CHD6: variants seen among roughly 807,000 people sequenced by gnomAD.
CHD6 encodes the protein chromodomain helicase DNA binding protein 6.
In CHD6, 50 loss-of-function variants were observed where a neutral mutation model predicts 276.9. That is an observed-to-expected ratio of 0.18 (90% CI 0.14 to 0.23). The LOEUF is 0.23. Ranked by LOEUF, CHD6 falls within the 10% of genes least tolerant of loss-of-function variation. CHD6 has a pLI of 1.00. For missense variants in CHD6, 2,564 were observed against 3,365.8 expected, an observed-to-expected ratio of 0.76 and a Z score of 5.89; for synonymous variants, 1,173 against 1,229.3, an observed-to-expected ratio of 0.95 and a Z score of 0.96.
chr20:41,488,351 G>A, intron 13 of CHD6, 77 bp downstream of exon 13: 1 of 1,293,228 alleles, frequency 7.7e-7, no homozygotes, highest in South Asian at 1.5e-5. Context: ...TAAGTTACAT[G>A]CAGAATGGCT....
intron 27 of CHD6, among the ~76,000 whole-genome samples, chr20:41,430,044 C>A (rs570220380): frequency 1.3e-5 from 2 of 152,320 alleles, no homozygotes; most frequent in South Asian, 4.1e-4. Context: ...GAAAGAAACA[C>A]CCAAACAGTG....
At chr20:41,489,605 C>A (rs1343805431) in intron 12 of CHD6, among the ~76,000 whole-genome samples, 173 bp downstream of exon 12, 1 of 152,204 alleles carries the variant, frequency 6.6e-6, no homozygotes, top group Non-Finnish European at 1.5e-5. Flanking sequence ...TGTGTTGTAT[C>A]ATAAATTAAA....
At chr20:41,406,331 C>T (rs2046673434) in intron 36 of CHD6, among the ~76,000 whole-genome samples, 1 of 152,226 alleles carries the variant, frequency 6.6e-6, no homozygotes, top group African/African-American at 2.4e-5. Context: ...CAGTAAAGCA[C>T]TTCTGCTCCA....
Position 41,547,394 on chromosome 20 carries a change from G to T in CHD6, c.33+3911C>A, listed in dbSNP as rs537273904. 193 of 232,330 alleles carry T rather than the reference G, an allele frequency of 8.3e-4. 3 individuals carry two copies. In the South Asian group the frequency reaches 0.011, roughly 13 times the overall value. The allele number at this position is 232,330 out of a possible 1,614,324, so 14.4% of individuals were successfully genotyped here. A position where few individuals can be genotyped will look rare whatever the true frequency, so the allele number is the denominator to read the frequency against. On this transcript the variant is annotated intron_variant, in intron 2 of 36. Transcript: ENST00000373233. ...AACTTCTTTCAGTCGTCCTGAATCG[G>T]ATTCATCTGACACAAGCTGCCTCCA...
In CHD6 at chr20:41,491,869, G is replaced by A. The variant is rs200991465; in HGVS notation, c.1315-50C>T. Reference sequence around the variant, plus strand: ...ATAGATAGAGAATGATGTTTTAGGAGCATAACATGGATACTAACGAGGACA... The same window carrying A: ...ATAGATAGAGAATGATGTTTTAGGAACATAACATGGATACTAACGAGGACA... On this transcript the variant is annotated intron_variant, in intron 10 of 36. Coordinates refer to ENST00000373233, the MANE Select transcript of CHD6 (RefSeq NM_032221.5). The A allele has an allele frequency of 5.1e-4, 821 of 1,600,316 alleles. 3 individuals are homozygous for A. In the African/African-American group the frequency reaches 9.8e-3, roughly 19 times the overall value.
chr20:41,555,278 A>T (rs1183858360), intron 1 of CHD6, among the ~76,000 whole-genome samples: 1 of 128,216 alleles, frequency 7.8e-6, no homozygotes. Context: ...CTGGCCGGGC[A>T]GAGGGGCTCC....
intron 1 of CHD6, among the ~76,000 whole-genome samples, chr20:41,592,422 G>A (rs1342844774): frequency 6.6e-6 from 1 of 152,140 alleles, no homozygotes; most frequent in Admixed American, 6.5e-5. Flanking sequence ...TCTTAAACGA[G>A]AGTCTTTTGA....
chr20:41,496,218 G>A (rs1344627926), intron 8 of CHD6, among the ~76,000 whole-genome samples: 1 of 152,214 alleles, frequency 6.6e-6, no homozygotes, highest in Non-Finnish European at 1.5e-5. Context: ...CTGGCAATAT[G>A]TTTTCTCCCT....
intron 26 of CHD6, among the ~76,000 whole-genome samples, chr20:41,438,544 C>A (rs937443978): frequency 6.6e-6 from 1 of 152,018 alleles, no homozygotes; most frequent in Non-Finnish European, 1.5e-5. Flanking sequence ...GAGCCGAGAT[C>A]ATTCCACTGC....
chr20:41,592,204 A>AAAAAC (rs1431084513), intron 1 of CHD6, among the ~76,000 whole-genome samples: 2 of 152,206 alleles, frequency 1.3e-5, no homozygotes, highest in African/African-American at 4.8e-5. Flanking sequence ...TCATGGTTTA[A>AAAAAC]AAAACAAAAC....
Position 41,457,290 on chromosome 20 carries a change from T to C in CHD6, c.2803A>G (p.Ile935Val). The C allele has an allele frequency of 6.2e-7, 1 of 1,614,044 alleles. No homozygotes were observed. The highest frequency in any genetic ancestry group is 8.5e-7 in the Non-Finnish European group (1 of 1,179,868). ...LGLDKAVLQD[I>V]NRKGGTNGVQ... ...CCATTGGTGCCGCCCTTTCGGTTGATGTCCTGAAGAACAGCCTTGTCCAGC... is the reference window on the plus strand; with the variant it reads ...CCATTGGTGCCGCCCTTTCGGTTGACGTCCTGAAGAACAGCCTTGTCCAGC... The change falls in exon 18 of 37, where the codon ATC becomes GTC. Residue 935 changes from isoleucine (I) to valine (V), a missense_variant. Transcript: ENST00000373233.
rs1406008133 is a variant in CHD6 at position 41,452,056 on chromosome 20, G to A, written c.3324-31C>T. ...AGTGGACATACAGACAGGTGTTGGA[G>A]GGAGAATGGACCAGGCCATGCAGGC... is the stretch of plus-strand genomic sequence containing the variant. On this transcript the variant is annotated intron_variant, in intron 21 of 36. Transcript: ENST00000373233. The surrounding 1 kb of genome is among the most constrained non-coding windows in gnomAD (Gnocchi z 4.2). 1.3e-6 allele frequency: 2 copies of A among 1,577,446 alleles called. No individual in the cohort carries two copies. The highest frequency in any genetic ancestry group is 1.1e-5 in the South Asian group (1 of 89,856).
intron 1 of CHD6, among the ~76,000 whole-genome samples, chr20:41,596,437 T>C (rs2045718246): frequency 6.6e-6 from 1 of 152,036 alleles, no homozygotes; most frequent in East Asian, 1.9e-4. Context: ...AATGTCCATC[T>C]TCAGTATTCT....
chr20:41,414,765 A>G (rs2046942958), intron 34 of CHD6: 1 of 1,001,846 alleles, frequency 1.0e-6, no homozygotes, highest in Non-Finnish European at 1.2e-6. Flanking sequence ...CAGTAAGTCA[A>G]GCAGAAGAGC....
chr20:41,597,019 A>G (rs919958440), intron 1 of CHD6, among the ~76,000 whole-genome samples: 5 of 152,156 alleles, frequency 3.3e-5, no homozygotes, highest in African/African-American at 1.2e-4. Context: ...TTAAGCCCCC[A>G]CTCACTAGGC....
At chr20:41,582,908 T>C (rs142103867) in intron 1 of CHD6, among the ~76,000 whole-genome samples, 2,694 of 152,158 alleles carry the variant, frequency 0.018, 38 homozygotes, top group Non-Finnish European at 0.028. Flanking sequence ...AACTTGAAGA[T>C]AGGTCACTAG....
At chr20:41,504,479 A>G (rs1378760821) in intron 5 of CHD6, among the ~76,000 whole-genome samples, 1 of 139,652 alleles carries the variant, frequency 7.2e-6, no homozygotes, top group Non-Finnish European at 1.5e-5. Flanking sequence ...GAACGATCTC[A>G]CCTCACTAAA....
Position 41,478,543 on chromosome 20 carries a change from T to C in CHD6, c.2468+4766A>G, listed in dbSNP as rs1245373132. Among the ~76,000 whole-genome samples, 6 of 152,052 alleles carry C rather than the reference T, an allele frequency of 3.9e-5. No homozygotes were observed. In the South Asian group the frequency reaches 6.2e-4, roughly 16 times the overall value. On this transcript the variant is annotated intron_variant, in intron 16 of 36. Transcript: ENST00000373233. Reference sequence around the variant, plus strand: ...CTTTCTGACACACATCAGGGGAAGGTACCTAGGGCAACTAAGACTGCCAGA... The same window carrying C: ...CTTTCTGACACACATCAGGGGAAGGCACCTAGGGCAACTAAGACTGCCAGA...
At chr20:41,529,334 A>T (rs1385911122) in intron 3 of CHD6, among the ~76,000 whole-genome samples, 1 of 152,206 alleles carries the variant, frequency 6.6e-6, no homozygotes, top group Admixed American at 6.5e-5. Context: ...ATACCTGAAA[A>T]CCACAATTAA....
Sources: allele counts gnomAD v4.1 joint callset (sites outside exome capture counted in the v4.1 genomes callset), GRCh38; gene constraint gnomAD v4.1.1; non-coding constraint Gnocchi (gnomAD v3.1); transcripts MANE v1.5; gene names NCBI Gene and HGNC (gene_info 2026-07-23, HGNC 2026-07-21).